The following PFKFB3 variants were observed in gnomAD, a reference collection of about 807,000 sequenced individuals.
PFKFB3 encodes the protein 6-phosphofructo-2-kinase/fructose-2,6-bisphosphatase 3.
PFKFB3 carries 33 observed loss-of-function variants against 68.0 expected under a neutral mutation model. The observed-to-expected ratio is 0.49, with a 90% CI of 0.37 to 0.65. The LOEUF (loss-of-function observed/expected upper bound fraction) is 0.65. Among genes scored for constraint, PFKFB3 ranks in the 30% least tolerant of loss-of-function variants. PFKFB3 has a pLI of 0.00. For synonymous variants in PFKFB3, 315 were observed against 288.2 expected (o/e 1.09, Z -0.94); for missense variants, 586 against 712.2 (o/e 0.82, Z 2.02).
chr10:6,316,675 G>A, the PFKFB3 span, among the ~76,000 whole-genome samples: 6 of 152,054 alleles, frequency 3.9e-5, no homozygotes, highest in Admixed American at 2.0e-4. Flanking sequence ...TCCGGGTTTC[G>A]CCATGTTGGC....
rs145516111 is a variant in PFKFB3, at chr10:6,224,187, G to A, written c.1315G>A (p.Val439Ile). 19 of 1,614,044 alleles carry A rather than the reference G, an allele frequency of 1.2e-5. No homozygotes were observed. The highest frequency in any genetic ancestry group is 4.0e-5 in the African/African-American group (3 of 74,918). ...VESIYLNVESVCTHRERSEDA... is the reference protein window; with the variant it reads ...VESIYLNVESICTHRERSEDA... ...ATCCATCTACCTGAACGTGGAGTCC[G>A]TCTGCACACACCGGGAGAGGTCAGA... Residue 439 changes from valine to isoleucine, a missense_variant, in exon 13 of 15, where the codon GTC becomes ATC. Transcript: ENST00000379775.
At chr10:6,197,312 C>T (rs891380081) in intron 1 of PFKFB3, among the ~76,000 whole-genome samples, 4 of 152,156 alleles carry the variant, frequency 2.6e-5, no homozygotes, top group Non-Finnish European at 5.9e-5. Context: ...TATACAAATA[C>T]CTACCATTGT....
chr10:6,316,780 A>G, the PFKFB3 span, among the ~76,000 whole-genome samples: 1 of 152,254 alleles, frequency 6.6e-6, no homozygotes, highest in Non-Finnish European at 1.5e-5. Flanking sequence ...TTCTTACTAT[A>G]GAGTGGGAGT....
chr10:6,317,712 C>T, the PFKFB3 span, among the ~76,000 whole-genome samples: 1 of 152,170 alleles, frequency 6.6e-6, no homozygotes, highest in Admixed American at 6.5e-5. Flanking sequence ...GTTTCTATCT[C>T]ACCTTCTTCC....
At chr10:6,314,833 A>G in the PFKFB3 span, among the ~76,000 whole-genome samples, 88 of 152,156 alleles carry the variant, frequency 5.8e-4, no homozygotes, top group Non-Finnish European at 9.6e-4. Flanking sequence ...TGAGAAGCTG[A>G]TGTGGAACTA....
chr10:6,175,274 C>T (rs1842429986), intron 1 of PFKFB3, among the ~76,000 whole-genome samples: 1 of 152,224 alleles, frequency 6.6e-6, no homozygotes, highest in South Asian at 2.1e-4. Context: ...ATCTCTCAGT[C>T]TTGCTCCGTC....
At chr10:6,316,282 C>G in the PFKFB3 span, among the ~76,000 whole-genome samples, 10,755 of 152,126 alleles carry the variant, frequency 0.071, 508 homozygotes, top group Middle Eastern at 0.23. Context: ...GAGCTGAGGT[C>G]ACACTCTTCT....
chr10:6,268,799 A>G, the PFKFB3 span, among the ~76,000 whole-genome samples: 3 of 151,886 alleles, frequency 2.0e-5, no homozygotes, highest in Admixed American at 6.6e-5. Context: ...AGACAGGCCA[A>G]TTGCTTGAGC....
At chr10:6,180,446 T>C (rs1588431638) in intron 1 of PFKFB3, among the ~76,000 whole-genome samples, 1 of 152,236 alleles carries the variant, frequency 6.6e-6, no homozygotes, top group African/African-American at 2.4e-5. Context: ...GTTTTTTCTT[T>C]TCTTTCCTTT....
chr10:6,175,801 C>T (rs543467817), intron 1 of PFKFB3, among the ~76,000 whole-genome samples: 53 of 152,334 alleles, frequency 3.5e-4, no homozygotes, highest in Non-Finnish European at 5.4e-4. Flanking sequence ...ATTAAAGCCA[C>T]GGTGAGATAC....
intron 4 of PFKFB3, 93 bp downstream of exon 4, chr10:6,216,284 C>A: frequency 1.6e-6 from 2 of 1,224,380 alleles, no homozygotes; most frequent in Non-Finnish European, 2.4e-6. Flanking sequence ...GTGCCTCTGG[C>A]CCTGAGGGTG....
intron 1 of PFKFB3, among the ~76,000 whole-genome samples, chr10:6,187,028 T>C (rs890535987): frequency 1.4e-4 from 21 of 151,686 alleles, no homozygotes; most frequent in African/African-American, 4.8e-4. Flanking sequence ...GGGAGACCAA[T>C]GTGGAAGTGC....
chr10:6,183,773 T>C (rs953029005), intron 1 of PFKFB3, among the ~76,000 whole-genome samples: 118 of 149,010 alleles, frequency 7.9e-4, no homozygotes, highest in African/African-American at 2.7e-3. Context: ...CTGCAAGCTC[T>C]GCCTCCCGGG....
At chr10:6,307,263 G>T in the PFKFB3 span, among the ~76,000 whole-genome samples, 1 of 151,808 alleles carries the variant, frequency 6.6e-6, no homozygotes, top group Admixed American at 6.6e-5. Context: ...AATCCCATGA[G>T]CCAGTTCATT....
upstream of PFKFB3, chr10:6,202,400 C>T (rs1843399751): frequency 6.6e-6 from 1 of 152,358 alleles, no homozygotes; most frequent in Admixed American, 6.5e-5. Context: ...GGGATGGGCT[C>T]ACGGGTATTA....
intron 1 of PFKFB3, among the ~76,000 whole-genome samples, chr10:6,208,370 C>CATTTT (rs1843930762): frequency 2.4e-5 from 1 of 42,426 alleles, no homozygotes; most frequent in East Asian, 2.3e-3. Flanking sequence ...GGGTACCTGG[C>CATTTT]CTTTTTTTTT....
At chr10:6,194,181 G>A (rs368933626) in intron 1 of PFKFB3, among the ~76,000 whole-genome samples, 4 of 152,200 alleles carry the variant, frequency 2.6e-5, no homozygotes, top group African/African-American at 9.6e-5. Context: ...CCCAAGCCAC[G>A]TCCCCAGCCA....
At chr10:6,298,115 T>G in the PFKFB3 span, among the ~76,000 whole-genome samples, 2 of 152,118 alleles carry the variant, frequency 1.3e-5, no homozygotes, top group Non-Finnish European at 2.9e-5. Flanking sequence ...ATCTTATAAA[T>G]CAGTCTGATC....
At chr10:6,316,162 G>A in the PFKFB3 span, among the ~76,000 whole-genome samples, 3 of 152,184 alleles carry the variant, frequency 2.0e-5, no homozygotes, top group African/African-American at 7.2e-5. Context: ...TGTGATAGAC[G>A]TAGACACCCA....
Sources: gnomAD v4.1 joint callset for allele counts (sites outside exome capture counted in the v4.1 genomes callset) on GRCh38, gnomAD v4.1.1 for gene constraint, MANE v1.5 for transcripts, NCBI Gene and HGNC (gene_info 2026-07-23, HGNC 2026-07-21) for gene names.